TRIM64B: variants seen among roughly 807,000 people sequenced by gnomAD.
The protein encoded by TRIM64B is tripartite motif containing 64B.
For synonymous variants in TRIM64B, 17 were observed against 190.3 expected (o/e 0.09, Z 7.50); for missense variants, 57 against 536.4 (o/e 0.11, Z 8.83).
chr11:89,877,718 C>T (rs1308706172), upstream of TRIM64B, among the ~76,000 whole-genome samples: 4 of 149,208 alleles, frequency 2.7e-5, no homozygotes, highest in African/African-American at 9.7e-5. Flanking sequence ...CTCCCAGGTT[C>T]AAACAATTCT....
At chr11:89,877,885 G>C (rs1806175153), upstream of TRIM64B, among the ~76,000 whole-genome samples, 1 of 149,330 alleles carries the variant, frequency 6.7e-6, no homozygotes, top group African/African-American at 2.4e-5. Flanking sequence ...GCCTCTCAAA[G>C]TGCTAGGCTG....
At chr11:89,877,623 T>C (rs1950173505), upstream of TRIM64B, among the ~76,000 whole-genome samples, 1 of 148,824 alleles carries the variant, frequency 6.7e-6, no homozygotes, top group Non-Finnish European at 1.5e-5. Flanking sequence ...TTTTTTTTTT[T>C]TTGTTGCTGT....
At chr11:89,876,292 G>C (rs1426876349), upstream of TRIM64B, among the ~76,000 whole-genome samples, 17 of 143,322 alleles carry the variant, frequency 1.2e-4, no homozygotes, top group Middle Eastern at 3.7e-3. Flanking sequence ...TTAGTAAATG[G>C]TGTGAATTTG....
chr11:89,875,631 T>G (rs1213658611), exon 1 of TRIM64B: 1 of 1,504,854 alleles, frequency 6.6e-7, no homozygotes, highest in African/African-American at 1.4e-5. Context: ...CAGCAGCCCA[T>G]CCTATTGGGC....
At chr11:89,875,410 T>C (rs1950152930) in intron 1 of TRIM64B, among the ~76,000 whole-genome samples, 200 bp downstream of exon 2, 1 of 152,304 alleles carries the variant, frequency 6.6e-6, no homozygotes, top group African/African-American at 2.4e-5. Context: ...GGAGACCTCC[T>C]TTAGTGAAGT....
chr11:89,872,462 A>C, intron 4 of TRIM64B, 150 bp from the exon 6 acceptor site: 3 of 1,391,134 alleles, frequency 2.2e-6, no homozygotes, highest in Non-Finnish European at 2.9e-6. Flanking sequence ...CTCTAGGGGC[A>C]ATAAGGATGT....
At chr11:89,873,163 T>C (rs1347340188) in intron 4 of TRIM64B, 105 bp downstream of exon 5, 4 of 1,144,680 alleles carry the variant, frequency 3.5e-6, no homozygotes, top group Non-Finnish European at 3.7e-6. Context: ...GAAACAAAAT[T>C]GGAAATAGCC....
intron 4 of TRIM64B, among the ~76,000 whole-genome samples, chr11:89,873,058 G>A (rs1229970652): frequency 6.6e-6 from 1 of 151,976 alleles, no homozygotes; most frequent in Non-Finnish European, 1.5e-5. Flanking sequence ...ACAAACTTCC[G>A]AATGGCAAAT....
chr11:89,877,913 G>A (rs1477402400), upstream of TRIM64B, among the ~76,000 whole-genome samples: 4 of 149,176 alleles, frequency 2.7e-5, no homozygotes, highest in Non-Finnish European at 6.0e-5. Context: ...GAGCCATCAT[G>A]CCCAGCCGAT....
chr11:89,872,414 G>T, intron 4 of TRIM64B, 102 bp from the exon 6 acceptor site: 2 of 1,533,076 alleles, frequency 1.3e-6, no homozygotes, highest in Non-Finnish European at 8.7e-7. Context: ...TCACAATTCT[G>T]CCAGTTTTGG....
chr11:89,873,856 C>T (rs1365447135), intron 3 of TRIM64B, among the ~76,000 whole-genome samples, 193 bp downstream of exon 4: 10 of 133,446 alleles, frequency 7.5e-5, no homozygotes, highest in African/African-American at 2.6e-4. Flanking sequence ...ATGTTATCTG[C>T]TAAAATGGCA....
At chr11:89,872,922 CTTTTTT>C (rs34678191) in intron 4 of TRIM64B, among the ~76,000 whole-genome samples, 2 of 135,940 alleles carry the variant, frequency 1.5e-5, no homozygotes, top group East Asian at 2.2e-4. Context: ...CTCCCTCTGT[CTTTTTT>C]TTTTTTTTTT....
chr11:89,871,298 T>G (rs1950105503), intron 5 of TRIM64B, among the ~76,000 whole-genome samples, 184 bp from the exon 7 acceptor site: 1 of 152,236 alleles, frequency 6.6e-6, no homozygotes, highest in African/African-American at 2.4e-5. Flanking sequence ...CAATTATGTA[T>G]TATTCCTTAA....
At chr11:89,877,230 T>C (rs1364772425), upstream of TRIM64B, among the ~76,000 whole-genome samples, 4 of 98,494 alleles carry the variant, frequency 4.1e-5, no homozygotes, top group Non-Finnish European at 2.1e-5. Context: ...ATTAAATTTG[T>C]CCTTTTAACT....
chr11:89,874,071 A>G, exon 3 of TRIM64B: 3 of 1,549,596 alleles, frequency 1.9e-6, no homozygotes, highest in East Asian at 2.5e-5. Context: ...CACGTCAGGC[A>G]TGTGGCATGT....
upstream of TRIM64B, among the ~76,000 whole-genome samples, chr11:89,878,229 A>G (rs1381875508): frequency 3.1e-5 from 4 of 131,050 alleles, no homozygotes; most frequent in East Asian, 6.5e-4. Context: ...CAAATTGAAG[A>G]TACTTTATAT....
At chr11:89,873,081 T>C (rs1187469727) in intron 4 of TRIM64B, among the ~76,000 whole-genome samples, 187 bp downstream of exon 5, 1 of 152,138 alleles carries the variant, frequency 6.6e-6, no homozygotes, top group Non-Finnish European at 1.5e-5. Context: ...TTTTTATGTA[T>C]GTTTTAATTC....
chr11:89,875,332 GAA>G (rs1310944094), intron 1 of TRIM64B, among the ~76,000 whole-genome samples: 2 of 152,296 alleles, frequency 1.3e-5, no homozygotes, highest in Non-Finnish European at 2.9e-5. Flanking sequence ...ACCTGACTTT[GAA>G]AAGTGTTCTT....
intron 5 of TRIM64B, among the ~76,000 whole-genome samples, chr11:89,871,333 A>T (rs1215202396): frequency 1.3e-5 from 2 of 152,198 alleles, no homozygotes; most frequent in African/African-American, 4.8e-5. Flanking sequence ...ACGTGACCAT[A>T]CCACAGGGGA....
Sources: gnomAD v4.1 joint callset for allele counts (sites outside exome capture counted in the v4.1 genomes callset) on GRCh38, gnomAD v4.1.1 for gene constraint, MANE v1.5 for transcripts, NCBI Gene and HGNC (gene_info 2026-07-23, HGNC 2026-07-21) for gene names.